Variants in AKT3 observed in about 807,000 individuals in gnomAD.
AKT3 encodes AKT serine/threonine kinase 3.
AKT3 carries 15 observed loss-of-function variants against 65.3 expected under a neutral mutation model. The observed-to-expected ratio is 0.23, with a 90% CI of 0.15 to 0.35. The LOEUF (loss-of-function observed/expected upper bound fraction) is 0.35, where lower values mean the gene tolerates loss of function less well. Among genes scored for constraint, AKT3 ranks in the 10% least tolerant of loss-of-function variants. AKT3 has a pLI of 1.00. For missense variants in AKT3, 243 were observed against 576.5 expected (o/e 0.42, Z 5.92); for synonymous variants, 206 against 183.8 (o/e 1.12, Z -0.98).
chr1:243,747,370 G>A (rs1688538609), intron 2 of AKT3, among the ~76,000 whole-genome samples: 1 of 152,158 alleles, frequency 6.6e-6, no homozygotes, highest in South Asian at 2.1e-4. Flanking sequence ...ATTTCAAGAG[G>A]AATTTCATTA....
At chr1:243,527,847 T>C (rs1219816877) in intron 12 of AKT3, among the ~76,000 whole-genome samples, 1 of 132,654 alleles carries the variant, frequency 7.5e-6, no homozygotes, top group Non-Finnish European at 1.5e-5. Flanking sequence ...ACCTGGGCAT[T>C]ACAGCAAGAC....
At chr1:243,642,445 G>A (rs1044078547) in intron 5 of AKT3, among the ~76,000 whole-genome samples, 3 of 152,212 alleles carry the variant, frequency 2.0e-5, no homozygotes, top group South Asian at 2.1e-4. Flanking sequence ...GAGTAGCTGG[G>A]ACTACAGGCG....
intron 13 of AKT3, among the ~76,000 whole-genome samples, chr1:243,492,030 C>T (rs1435855319): frequency 6.6e-5 from 10 of 152,102 alleles, no homozygotes; most frequent in East Asian, 1.9e-4. Context: ...TCCTGAGCCC[C>T]GCTGCCCCTG....
chr1:243,641,751 AT>A (rs1263455334), intron 5 of AKT3, among the ~76,000 whole-genome samples: 1 of 152,116 alleles, frequency 6.6e-6, no homozygotes, highest in Non-Finnish European at 1.5e-5. Flanking sequence ...CCTGGGCAAC[AT>A]GGCAAAACCC....
intron 3 of AKT3, among the ~76,000 whole-genome samples, chr1:243,695,015 T>C (rs1020403529): frequency 6.6e-6 from 1 of 151,970 alleles, no homozygotes; most frequent in Non-Finnish European, 1.5e-5. Flanking sequence ...AACATAACAA[T>C]AATAATCATT....
In AKT3 at chr1:243,769,609, T is replaced by C. The variant is rs1225570108; in HGVS notation, c.46+73516A>G. The stretch of plus-strand genomic sequence containing the variant: ...TTATCTTCTTTGGAGAAAATATTCA[T>C]ATTGTCTATTCAGATTTCTTAATTG... On this transcript the variant is annotated intron_variant, in intron 2 of 13. Transcript: ENST00000673466. Among the ~76,000 whole-genome samples, 11 of 152,204 alleles carry C rather than the reference T, an allele frequency of 7.2e-5. No homozygotes were observed. In the East Asian group the frequency reaches 2.1e-3, roughly 29 times the overall value.
intron 3 of AKT3, among the ~76,000 whole-genome samples, chr1:243,670,223 A>G (rs1388403391): frequency 2.6e-5 from 4 of 152,208 alleles, no homozygotes; most frequent in Non-Finnish European, 4.4e-5. Flanking sequence ...CTCTACAAAC[A>G]CATTTCATCT....
At chr1:243,498,428 G>A (rs866964964), downstream of AKT3, among the ~76,000 whole-genome samples, 1 of 152,166 alleles carries the variant, frequency 6.6e-6, no homozygotes, top group African/African-American at 2.4e-5. Context: ...TGGGAGGGCT[G>A]TGTGCATGGG....
At chr1:243,606,361 T>C (rs907960133) in intron 8 of AKT3, among the ~76,000 whole-genome samples, 3 of 152,228 alleles carry the variant, frequency 2.0e-5, no homozygotes, top group African/African-American at 7.2e-5. Context: ...GACAGTGATA[T>C]GGACAATAAA....
At chr1:243,584,295 G>A (rs1020749872) in intron 8 of AKT3, among the ~76,000 whole-genome samples, 21 of 151,908 alleles carry the variant, frequency 1.4e-4, no homozygotes, top group African/African-American at 4.6e-4. Context: ...GACTAATATC[G>A]AGTTCCAAAA....
chr1:243,614,291 A>C lies in AKT3; in HGVS notation c.628-552T>G, dbSNP rs188862203. 6.1e-3 allele frequency among the ~76,000 whole-genome samples: 929 copies of C among 152,344 alleles called. 4 individuals carry two copies. The highest frequency in any genetic ancestry group is 9.3e-3 in the Admixed American group (143 of 15,306). ...CACTAGACAATAAACACACCAAAAAAGGTAGCAAAGTAAGTCTAGGTATCT... is the reference window on the plus strand; with the variant it reads ...CACTAGACAATAAACACACCAAAAACGGTAGCAAAGTAAGTCTAGGTATCT... On this transcript the variant is annotated intron_variant, in intron 7 of 13. Coordinates refer to ENST00000673466, the MANE Select transcript of AKT3 (RefSeq NM_005465.7).
At chr1:243,714,808 C>T (rs1686400526) in intron 2 of AKT3, among the ~76,000 whole-genome samples, 1 of 151,946 alleles carries the variant, frequency 6.6e-6, no homozygotes. Context: ...ACTAATAGTA[C>T]ACTGGTTATC....
intron 2 of AKT3, among the ~76,000 whole-genome samples, chr1:243,703,642 C>G (rs183047865): frequency 1.3e-5 from 2 of 151,706 alleles, no homozygotes; most frequent in Admixed American, 1.3e-4. Context: ...CCCTTATAAT[C>G]CCAGCTACTC....
At position 243,501,449 on chromosome 1, in the gene AKT3, G is replaced by A. The variant is rs1350328880; in HGVS notation, c.*3800C>T. ...GATGATTCGGGTCTGAATGTCCCCA[G>A]GGTCTGAGACCTCCTTCATCCCTGG... On this transcript the variant is annotated 3_prime_UTR_variant, in exon 14 of 14. Transcript: ENST00000673466. 4.3e-6 allele frequency: 1 copy of A among 233,086 alleles called. No individual in the cohort carries two copies. Among genetic ancestry groups the A allele is most frequent in the East Asian group, 6.0e-5 (1 of 16,580 alleles). The allele number at this position is 233,086 out of a possible 1,614,324, so 14.4% of individuals were successfully genotyped here.
intron 3 of AKT3, among the ~76,000 whole-genome samples, chr1:243,670,850 T>C (rs1367790454): frequency 6.6e-6 from 1 of 152,086 alleles, no homozygotes; most frequent in African/African-American, 2.4e-5. Flanking sequence ...GATGACAAAG[T>C]CTGTACAAAG....
At chr1:243,497,782 A>ATT (rs1668403725), downstream of AKT3, among the ~76,000 whole-genome samples, 1 of 152,102 alleles carries the variant, frequency 6.6e-6, no homozygotes, top group East Asian at 1.9e-4. Context: ...GGGCTACAGC[A>ATT]ATTCTCCTAC....
chr1:243,522,073 T>A (rs1670753439), intron 12 of AKT3, among the ~76,000 whole-genome samples: 1 of 152,178 alleles, frequency 6.6e-6, no homozygotes, highest in Non-Finnish European at 1.5e-5. Context: ...GGAGCCTTTT[T>A]AAAAGGCATG....
At chr1:243,648,400 C>G (rs577417269) in intron 4 of AKT3, among the ~76,000 whole-genome samples, 1 of 152,168 alleles carries the variant, frequency 6.6e-6, no homozygotes, top group South Asian at 2.1e-4. Context: ...GATGTTAACA[C>G]AACTTTGAAT....
At chr1:243,734,048 T>A (rs887520420) in intron 2 of AKT3, among the ~76,000 whole-genome samples, 1 of 151,944 alleles carries the variant, frequency 6.6e-6, no homozygotes, top group African/African-American at 2.4e-5. Flanking sequence ...CAGAAAAAAA[T>A]TAGCTAATTC....
Sources: gnomAD v4.1 joint callset for allele counts (sites outside exome capture counted in the v4.1 genomes callset) on GRCh38, gnomAD v4.1.1 for gene constraint, MANE v1.5 for transcripts, NCBI Gene and HGNC (gene_info 2026-07-23, HGNC 2026-07-21) for gene names.